The following AGFG1 variants were observed in gnomAD, a reference collection of about 807,000 sequenced individuals.
The protein encoded by AGFG1 is arf-GAP domain and FG repeat-containing protein 1.
In AGFG1, 10 loss-of-function variants were observed where a neutral mutation model predicts 60.6. The ratio of observed to expected loss-of-function variants is 0.16; its 90% CI spans 0.10 to 0.28. AGFG1 has a LOEUF of 0.28. Ranked by LOEUF, AGFG1 falls within the 10% of genes least tolerant of loss-of-function variation. The pLI is 1.00. For missense variants in AGFG1, 537 were observed against 676.5 expected, an observed-to-expected ratio of 0.79 and a Z score of 2.29; for synonymous variants, 247 against 242.9, an observed-to-expected ratio of 1.02 and a Z score of -0.16.
At chr2:227,474,838 A>T (rs1334492762) in intron 1 of AGFG1, among the ~76,000 whole-genome samples, 1 of 152,234 alleles carries the variant, frequency 6.6e-6, no homozygotes, top group Non-Finnish European at 1.5e-5. Context: ...AGTATTAGTT[A>T]TACGGTATTG....
intron 11 of AGFG1, 78 bp from the exon 12 acceptor site, chr2:227,553,626 A>G (rs1253659462): frequency 8.3e-7 from 1 of 1,197,608 alleles, no homozygotes; most frequent in Non-Finnish European, 1.2e-6. Flanking sequence ...ATGTCTCTGA[A>G]AGTTATTATG....
chr2:227,500,140 T>G (rs797016441), intron 2 of AGFG1, among the ~76,000 whole-genome samples: 2 of 152,202 alleles, frequency 1.3e-5, no homozygotes, highest in African/African-American at 4.8e-5. Flanking sequence ...CCTCATAGGT[T>G]TTTGAGGAAT....
In AGFG1 at chr2:227,557,508, C is replaced by T. The variant is rs760396101; in HGVS notation, c.*3013C>T. 2.6e-5 allele frequency: 4 copies of T among 152,140 alleles called. No individual in the cohort carries two copies. Among genetic ancestry groups the T allele is most frequent in the South Asian group, 2.1e-4 (1 of 4,828 alleles). The allele number at this position is 152,140 out of a possible 1,614,324, so 9.4% of individuals were successfully genotyped here. A position where few individuals can be genotyped will look rare whatever the true frequency, so the allele number is the denominator to read the frequency against. On this transcript the variant is annotated 3_prime_UTR_variant, in exon 13 of 13. Transcript: ENST00000310078. ...GAGCATTTTAGTTTCAGAACCTTAA[C>T]ACTCCCCAACAGCTTTGTTGATGTA... is the stretch of plus-strand genomic sequence containing the variant.
At chr2:227,551,836 C>A (rs1045635612) in intron 10 of AGFG1, 123 bp from the exon 11 acceptor site, 2 of 1,202,460 alleles carry the variant, frequency 1.7e-6, no homozygotes, top group Non-Finnish European at 2.3e-6. Context: ...TTGGAATTAA[C>A]CCTGCCTTTA....
At chr2:227,533,437 G>C in intron 6 of AGFG1, 112 bp from the exon 7 acceptor site, 1 of 940,696 alleles carries the variant, frequency 1.1e-6, no homozygotes, top group Non-Finnish European at 1.6e-6. Context: ...TGATTTTAAT[G>C]TTGTAAGATT....
intron 2 of AGFG1, among the ~76,000 whole-genome samples, chr2:227,494,574 G>T (rs57468076): frequency 0.019 from 2,820 of 152,312 alleles, 88 homozygotes; most frequent in African/African-American, 0.064. Flanking sequence ...GGCATGTTTG[G>T]TTGTTGTCAC....
At chr2:227,546,394 G>C (rs956871706) in intron 10 of AGFG1, among the ~76,000 whole-genome samples, 2 of 152,246 alleles carry the variant, frequency 1.3e-5, no homozygotes, top group African/African-American at 4.8e-5. Context: ...GTCTGTCACA[G>C]CTTCTGTTGG....
chr2:227,514,474 G>A (rs1301596999), intron 2 of AGFG1, among the ~76,000 whole-genome samples: 1 of 152,070 alleles, frequency 6.6e-6, no homozygotes. Context: ...GATTATAGAC[G>A]TGAGCCACTG....
intron 2 of AGFG1, among the ~76,000 whole-genome samples, chr2:227,515,036 C>G (rs1691613078): frequency 6.6e-6 from 1 of 152,112 alleles, no homozygotes; most frequent in Non-Finnish European, 1.5e-5. Flanking sequence ...GATTCTCTCA[C>G]CTCAGCCTCC....
At chr2:227,542,555 G>C (rs1400008158) in intron 10 of AGFG1, among the ~76,000 whole-genome samples, 1 of 152,150 alleles carries the variant, frequency 6.6e-6, no homozygotes, top group African/African-American at 2.4e-5. Flanking sequence ...GCTGGATTTG[G>C]TTTGCCAGTA....
At chr2:227,472,941 C>T (rs1288832773) in intron 1 of AGFG1, among the ~76,000 whole-genome samples, 1 of 145,030 alleles carries the variant, frequency 6.9e-6, no homozygotes, top group Non-Finnish European at 1.5e-5. Flanking sequence ...CTCCAGCTAC[C>T]CGGGGCGCCG....
intron 10 of AGFG1, 36 bp from the exon 11 acceptor site, chr2:227,551,923 G>T: frequency 6.2e-7 from 1 of 1,601,252 alleles, no homozygotes; most frequent in Non-Finnish European, 8.5e-7. Flanking sequence ...AACATATCCT[G>T]TTGTATGTAA....
intron 5 of AGFG1, among the ~76,000 whole-genome samples, chr2:227,529,525 G>T (rs1439997152): frequency 3.3e-5 from 5 of 152,108 alleles, no homozygotes; most frequent in African/African-American, 1.2e-4. Flanking sequence ...CTTCATGTGA[G>T]CATTCAGGCT....
At chr2:227,543,608 G>A (rs187769762) in intron 10 of AGFG1, among the ~76,000 whole-genome samples, 1 of 152,308 alleles carries the variant, frequency 6.6e-6, no homozygotes, top group East Asian at 1.9e-4. Context: ...GTGAGATGTG[G>A]TGCTAAGAGG....
intron 2 of AGFG1, among the ~76,000 whole-genome samples, chr2:227,499,939 G>T (rs1418656545): frequency 6.6e-6 from 1 of 152,212 alleles, no homozygotes; most frequent in African/African-American, 2.4e-5. Context: ...TCCTTTTCCT[G>T]TGTCTTTTTC....
intron 2 of AGFG1, among the ~76,000 whole-genome samples, chr2:227,497,157 C>T (rs887748318): frequency 6.9e-6 from 1 of 145,956 alleles, no homozygotes; most frequent in Admixed American, 7.3e-5. Flanking sequence ...TTGAAATTCA[C>T]CCCCTCTTCC....
At chr2:227,528,780 A>G (rs1041343123) in intron 5 of AGFG1, among the ~76,000 whole-genome samples, 1 of 152,212 alleles carries the variant, frequency 6.6e-6, no homozygotes, top group African/African-American at 2.4e-5. Context: ...TCTACAGACT[A>G]ATTTGTACCA....
chr2:227,520,909 C>T (rs1049589892), intron 3 of AGFG1, among the ~76,000 whole-genome samples: 4 of 152,146 alleles, frequency 2.6e-5, no homozygotes, highest in African/African-American at 9.7e-5. Context: ...AACTCTGTTT[C>T]AACCCAAGAG....
In AGFG1 at chr2:227,540,774, G is replaced by A. The variant is rs181196039; in HGVS notation, c.1378+3781G>A. 6.9e-3 allele frequency among the ~76,000 whole-genome samples: 1,049 copies of A among 152,330 alleles called. 5 individuals are homozygous for A. The highest frequency in any genetic ancestry group is 0.015 in the African/African-American group (636 of 41,570). Reference sequence around the variant, plus strand: ...TAGATCCCTGGGGAATCGCCACACTGTCTTCCACAATGGTTGAACTAGTTT... The same window carrying A: ...TAGATCCCTGGGGAATCGCCACACTATCTTCCACAATGGTTGAACTAGTTT... On this transcript the variant is annotated intron_variant, in intron 10 of 12. Coordinates refer to ENST00000310078, the MANE Select transcript of AGFG1 (RefSeq NM_004504.5).
Sources: gnomAD v4.1 joint callset for allele counts (sites outside exome capture counted in the v4.1 genomes callset) on GRCh38, gnomAD v4.1.1 for gene constraint, MANE v1.5 for transcripts, NCBI Gene and HGNC (gene_info 2026-07-23, HGNC 2026-07-21) for gene names.